Variants in SUFU observed in about 807,000 individuals in gnomAD.
SUFU encodes suppressor of fused homolog.
SUFU carries 7 observed loss-of-function variants against 58.9 expected under a neutral mutation model. The ratio of observed to expected loss-of-function variants is 0.12; its 90% confidence interval spans 0.07 to 0.22. SUFU has a LOEUF of 0.22. Ranked by LOEUF, SUFU falls within the 10% of genes least tolerant of loss-of-function variation. The pLI is 1.00. For synonymous variants in SUFU, 232 were observed against 254.8 expected, an observed-to-expected ratio of 0.91 and a Z score of 0.85; for missense variants, 451 against 641.3, an observed-to-expected ratio of 0.70 and a Z score of 3.20.
chr10:102,624,300 A>C (rs1471478968), intron 10 of SUFU, among the ~76,000 whole-genome samples: 3 of 152,208 alleles, frequency 2.0e-5, no homozygotes, highest in Non-Finnish European at 4.4e-5. Context: ...GCCCCATCTT[A>C]GCTGTCTATC....
chr10:102,513,965 G>A (rs2062432896), intron 2 of SUFU, among the ~76,000 whole-genome samples: 1 of 152,086 alleles, frequency 6.6e-6, no homozygotes, highest in African/African-American at 2.4e-5. Flanking sequence ...GCTCACTGCA[G>A]CCTCAACCAC....
At chr10:102,604,716 G>T (rs1486990349) in intron 8 of SUFU, among the ~76,000 whole-genome samples, 1 of 151,996 alleles carries the variant, frequency 6.6e-6, no homozygotes. Flanking sequence ...AGGAGAGTAG[G>T]GGTCCTAATC....
At chr10:102,528,670 GAAGAGTTTATTTGA>G in intron 2 of SUFU, among the ~76,000 whole-genome samples, 1 of 152,162 alleles carries the variant, frequency 6.6e-6, no homozygotes, top group Non-Finnish European at 1.5e-5. Flanking sequence ...TTGGGAGCCG[GAAGAGTTTATTTGA>G]CTGGATTCTC....
At chr10:102,504,983 C>T (rs1213401482) in intron 1 of SUFU, among the ~76,000 whole-genome samples, 1 of 152,162 alleles carries the variant, frequency 6.6e-6, no homozygotes, top group Non-Finnish European at 1.5e-5. Flanking sequence ...TTTTTGCTTA[C>T]TCTGCACTGT....
Position 102,573,185 on chromosome 10 carries a change from T to C in SUFU, c.455-19397T>C, listed in dbSNP as rs1202073883. ...CAAAGCCTTTGCTTTGGCTTCGGCT[T>C]TAGGAGGAGCAGGAGCTTCCTTCTT... On this transcript the variant is annotated intron_variant, in intron 3 of 11. Coordinates refer to ENST00000369902, the MANE Select transcript of SUFU (RefSeq NM_016169.4). The C allele has an allele frequency of 5.3e-6, 4 of 758,548 alleles. No individual in the cohort carries two copies. In the East Asian group the frequency reaches 9.8e-5, roughly 19 times the overall value. The allele number at this position is 758,548 out of a possible 1,614,324, so 47.0% of individuals were successfully genotyped here. A position where few individuals can be genotyped will look rare whatever the true frequency, so the allele number is the denominator to read the frequency against.
At chr10:102,520,078 C>T (rs1393526971) in intron 2 of SUFU, among the ~76,000 whole-genome samples, 2 of 147,492 alleles carry the variant, frequency 1.4e-5, no homozygotes, top group Non-Finnish European at 3.0e-5. Context: ...GGCCAGTTTC[C>T]CCTATTATTA....
chr10:102,571,989 G>A (rs1391172142), intron 3 of SUFU, among the ~76,000 whole-genome samples: 1 of 152,196 alleles, frequency 6.6e-6, no homozygotes, highest in East Asian at 1.9e-4. Flanking sequence ...CAGCAATGGA[G>A]GAAGAGTCTG....
chr10:102,626,453 G>C (rs1395908994), intron 10 of SUFU, among the ~76,000 whole-genome samples: 1 of 152,186 alleles, frequency 6.6e-6, no homozygotes, highest in Non-Finnish European at 1.5e-5. Flanking sequence ...TGTCAGACTA[G>C]AACAGCAACG....
chr10:102,575,254 G>A (rs1276621955), intron 3 of SUFU, among the ~76,000 whole-genome samples: 1 of 152,218 alleles, frequency 6.6e-6, no homozygotes, highest in Non-Finnish European at 1.5e-5. Flanking sequence ...AAATGCCAGT[G>A]GTGCCATTTT....
intron 7 of SUFU, among the ~76,000 whole-genome samples, chr10:102,598,836 CT>C (rs2135886784): frequency 6.6e-6 from 1 of 152,296 alleles, no homozygotes; most frequent in South Asian, 2.1e-4. Flanking sequence ...AGCAAAGCAC[CT>C]TACAAAGAAA....
rs1590093016 is a variant in SUFU at position 102,628,261 on chromosome 10, A to G, written c.1365+1018A>G. Among the ~76,000 whole-genome samples, 1 of 152,082 alleles carries G rather than the reference A, an allele frequency of 6.6e-6. No homozygotes were observed. Among genetic ancestry groups the G allele is most frequent in the East Asian group, 1.9e-4 (1 of 5,188 alleles). On this transcript the variant is annotated intron_variant, in intron 11 of 11. Transcript: ENST00000369902. This position sits in a 1 kb window ranked among gnomAD's most constrained non-coding sequence, Gnocchi z 4.5. ...CTCTGGTGTTTAGGAAGCTGAGGGG[A>G]GTGCACAGGGCGGGACCGTCCAGTC...
chr10:102,559,697 T>A (rs2063016327), intron 3 of SUFU, among the ~76,000 whole-genome samples: 2 of 152,128 alleles, frequency 1.3e-5, no homozygotes. Context: ...CTGCCCCCCA[T>A]CCTCTGGGTT....
At chr10:102,544,189 A>C (rs1254923188) in intron 2 of SUFU, among the ~76,000 whole-genome samples, 1 of 152,214 alleles carries the variant, frequency 6.6e-6, no homozygotes, top group Non-Finnish European at 1.5e-5. Flanking sequence ...CACAAACTCC[A>C]TCAGTGTTTC....
chr10:102,630,174 G>T lies in SUFU; in HGVS notation c.*19G>T. ...ACACTAGCCTGGGCTGGGCCCTGCA[G>T]TGGCCAGCAGGGAGCCCAGCTGCTC... On this transcript the variant is annotated 3_prime_UTR_variant, in exon 12 of 12. Coordinates refer to ENST00000369902, the MANE Select transcript of SUFU (RefSeq NM_016169.4). The T allele has an allele frequency of 6.2e-7, 1 of 1,606,312 alleles. No individual in the cohort carries two copies. Among genetic ancestry groups the T allele is most frequent in the Non-Finnish European group, 8.5e-7 (1 of 1,172,946 alleles).
intron 8 of SUFU, among the ~76,000 whole-genome samples, chr10:102,602,967 C>G (rs985515694): frequency 7.9e-5 from 12 of 152,180 alleles, no homozygotes; most frequent in African/African-American, 2.9e-4. Context: ...GAAGCAGTTC[C>G]TTTGTGCCAC....
rs558307700 is a variant in SUFU, at chr10:102,617,485, C to T, written c.1296+57C>T. ...CTTTCATAGACTTCCTTGCCCACCC[C>T]TCCTCTTCTCCCTTGGCAGCTCTTG... is the stretch of plus-strand genomic sequence containing the variant. On this transcript the variant is annotated intron_variant, in intron 10 of 11. Transcript: ENST00000369902. This position sits in a 1 kb window ranked among gnomAD's most constrained non-coding sequence, Gnocchi z 4.4. 2.9e-5 allele frequency: 47 copies of T among 1,612,208 alleles called. No homozygotes were observed. In the African/African-American group the frequency reaches 4.5e-4, roughly 16 times the overall value.
chr10:102,607,100 C>T (rs1027796413), intron 8 of SUFU, among the ~76,000 whole-genome samples: 2 of 151,164 alleles, frequency 1.3e-5, no homozygotes, highest in Non-Finnish European at 2.9e-5. Context: ...ACTCTGTCGC[C>T]TTGGCTGGAG....
chr10:102,617,123 C>T lies in SUFU; in HGVS notation c.1158-167C>T, dbSNP rs942159489. 6.6e-6 allele frequency among the ~76,000 whole-genome samples: 1 copy of T among 152,186 alleles called. No homozygotes were observed. Among genetic ancestry groups the T allele is most frequent in the African/African-American group, 2.4e-5 (1 of 41,448 alleles). ...TTCTCTTTGAAGGTGTTGAAATGAG[C>T]GTGTTTGGATACAGTCCCCTGTTGA... On this transcript the variant is annotated intron_variant, in intron 9 of 11. Coordinates refer to ENST00000369902, the MANE Select transcript of SUFU (RefSeq NM_016169.4). The surrounding 1 kb of genome is among the most constrained non-coding windows in gnomAD (Gnocchi z 4.4).
At position 102,632,346 on chromosome 10, in the gene SUFU, AC is replaced by A. The variant is rs2063845093; in HGVS notation, c.*2192del. 4.3e-6 allele frequency: 1 copy of A among 233,304 alleles called. No individual in the cohort carries two copies. Among genetic ancestry groups the A allele is most frequent in the Non-Finnish European group, 8.5e-6 (1 of 118,104 alleles). 14.5% of individuals were successfully genotyped at this position (233,304 alleles called of 1,614,324 possible). On this transcript the variant is annotated 3_prime_UTR_variant, in exon 12 of 12. Transcript: ENST00000369902. ...GTGGGTGAGCTCCGAGATGATGAGCACATGAAGCCTGTGGCCCCTTCGTACC... is the reference window on the plus strand; with the variant it reads ...GTGGGTGAGCTCCGAGATGATGAGCAATGAAGCCTGTGGCCCCTTCGTACC...
Sources: allele counts gnomAD v4.1 joint callset (sites outside exome capture counted in the v4.1 genomes callset), GRCh38; gene constraint gnomAD v4.1.1; non-coding constraint Gnocchi (gnomAD v3.1); transcripts MANE v1.5; gene names NCBI Gene and HGNC (gene_info 2026-07-23, HGNC 2026-07-21).